The following PAK1 variants were observed in gnomAD, a reference collection of about 807,000 sequenced individuals.
PAK1 encodes p21 (RAC1) activated kinase 1, also known as serine/threonine-protein kinase PAK 1.
Under a neutral mutation model 67.4 loss-of-function variants are expected in PAK1, and 29 were observed. The ratio of observed to expected loss-of-function variants is 0.43; its 90% CI spans 0.32 to 0.59. The LOEUF is 0.59. Ranked by LOEUF, PAK1 falls within the 20% of genes least tolerant of loss-of-function variation. The pLI, the probability that PAK1 is intolerant of heterozygous loss-of-function variation, is 0.07. For missense variants in PAK1, 337 were observed against 670.7 expected (o/e 0.50, Z 5.50); for synonymous variants, 223 against 237.4 (o/e 0.94, Z 0.56).
the PAK1 span, chr11:77,529,952 GA>G: frequency 7.2e-5 from 11 of 152,444 alleles, no homozygotes; most frequent in African/African-American, 2.6e-4. Flanking sequence ...ACTTACAGCA[GA>G]AGAGTGGCAG....
intron 1 of PAK1, among the ~76,000 whole-genome samples, chr11:77,462,136 C>G (rs977942607): frequency 2.6e-5 from 4 of 151,822 alleles, no homozygotes; most frequent in African/African-American, 9.7e-5. Context: ...ACCATCCTGG[C>G]TAACACGGTG....
At chr11:77,479,379 GTGT>G (rs1426353448), upstream of PAK1, among the ~76,000 whole-genome samples, 2 of 152,072 alleles carry the variant, frequency 1.3e-5, no homozygotes, top group Non-Finnish European at 2.9e-5. Context: ...TAATGAATAT[GTGT>G]TGTTGTAAGC....
intron 2 of PAK1, among the ~76,000 whole-genome samples, chr11:77,382,200 G>A (rs1464512127): frequency 6.6e-6 from 1 of 152,042 alleles, no homozygotes; most frequent in Non-Finnish European, 1.5e-5. Context: ...AGAAACTTTG[G>A]TAAAGGAGAC....
At chr11:77,364,243 G>A (rs1219616546) in intron 5 of PAK1, among the ~76,000 whole-genome samples, 1 of 152,120 alleles carries the variant, frequency 6.6e-6, no homozygotes, top group Non-Finnish European at 1.5e-5. Flanking sequence ...GTAAAAGCTG[G>A]AACAGACTTG....
rs373135600 is a variant in PAK1 at position 77,332,811 on chromosome 11, C to T, written c.1470G>A (p.Leu490=). Residue 490 remains leucine (L), a synonymous_variant, in exon 14 of 15, where the codon CTG becomes CTA. Coordinates refer to ENST00000356341, the MANE Select transcript of PAK1 (RefSeq NM_002576.5). ...GTPELQNPEK[L]SAIFRDFLNR... ...TCAGAAAGTCCCGGAAGATAGCTGA[C>T]AGCTTCTCTGGGTTCTGAAGTTCTG... The T allele has an allele frequency of 6.2e-7, 1 of 1,613,276 alleles. No homozygotes were observed. The highest frequency in any genetic ancestry group is 8.5e-7 in the Non-Finnish European group (1 of 1,179,370).
upstream of PAK1, chr11:77,474,948 G>T (rs1458637205): frequency 1.3e-5 from 2 of 152,180 alleles, no homozygotes; most frequent in East Asian, 3.9e-4. Flanking sequence ...GAATCAGGTT[G>T]CCTTGCTTGA....
the PAK1 span, among the ~76,000 whole-genome samples, chr11:77,508,861 C>T: frequency 1.1e-4 from 17 of 149,996 alleles, no homozygotes; most frequent in South Asian, 3.6e-3. Flanking sequence ...GGGGTTTCAC[C>T]GTGTTAGCCA....
chr11:77,484,444 G>A, the PAK1 span, among the ~76,000 whole-genome samples: 2 of 152,162 alleles, frequency 1.3e-5, no homozygotes. Context: ...TTCTAAGCTC[G>A]TTTTAGTGTA....
At chr11:77,441,919 C>T in intron 1 of PAK1, among the ~76,000 whole-genome samples, 1 of 152,162 alleles carries the variant, frequency 6.6e-6, no homozygotes, top group African/African-American at 2.4e-5. Flanking sequence ...TCTTGTGTTC[C>T]CGACCCTCAC....
intron 1 of PAK1, among the ~76,000 whole-genome samples, chr11:77,450,952 A>T (rs1956826454): frequency 6.6e-6 from 1 of 152,220 alleles, no homozygotes; most frequent in African/African-American, 2.4e-5. Flanking sequence ...AAATCTGACT[A>T]ACAGCAAAGC....
chr11:77,377,952 G>A (rs188900847), intron 4 of PAK1, among the ~76,000 whole-genome samples: 1 of 152,258 alleles, frequency 6.6e-6, no homozygotes, highest in African/African-American at 2.4e-5. Flanking sequence ...AAATACTGCT[G>A]GGCACATGCA....
Position 77,463,354 on chromosome 11 carries a change from C to T in PAK1, c.-22+10198G>A, listed in dbSNP as rs1324804836. 6.6e-5 allele frequency among the ~76,000 whole-genome samples: 10 copies of T among 151,860 alleles called. No individual in the cohort carries two copies. The East Asian group carries it at 1.9e-3, about 29-fold the overall frequency. On this transcript the variant is annotated intron_variant, in intron 1 of 14. Coordinates refer to ENST00000356341, the MANE Select transcript of PAK1 (RefSeq NM_002576.5). ...GGTGTTCACTGCACATACTCCCCTG[C>T]CAATGTTTTATTTAAAAAAAATTTT...
At chr11:77,444,643 A>T (rs1460096311) in intron 1 of PAK1, among the ~76,000 whole-genome samples, 1 of 152,240 alleles carries the variant, frequency 6.6e-6, no homozygotes, top group Non-Finnish European at 1.5e-5. Flanking sequence ...CATGCAATCA[A>T]CATCTTAATG....
chr11:77,361,289 C>T (rs1052716192), intron 5 of PAK1, among the ~76,000 whole-genome samples: 3 of 152,122 alleles, frequency 2.0e-5, no homozygotes, highest in Non-Finnish European at 2.9e-5. Context: ...GAGCAAGCCA[C>T]GGGGCTCTCT....
Position 77,473,739 on chromosome 11 carries a change from G to T in PAK1, c.-209C>A, listed in dbSNP as rs567748037. ...GGAACTGCGAGGGAAGGGATGATGG[G>T]GGGGCGGGAGGGAGCGAGGCGACGC... On this transcript the variant is annotated 5_prime_UTR_variant, in exon 1 of 15. Transcript: ENST00000356341. 1 of 151,848 alleles carries T rather than the reference G, an allele frequency of 6.6e-6. No homozygotes were observed. The highest frequency in any genetic ancestry group is 1.5e-5 in the Non-Finnish European group (1 of 67,934). The allele number at this position is 151,848 out of a possible 1,614,324, so 9.4% of individuals were successfully genotyped here.
intron 1 of PAK1, among the ~76,000 whole-genome samples, chr11:77,458,040 C>A (rs973976062): frequency 6.6e-6 from 1 of 152,184 alleles, no homozygotes; most frequent in Admixed American, 6.5e-5. Flanking sequence ...ATCCCAATCT[C>A]AGGGAACTAA....
At chr11:77,468,204 A>G (rs924567670) in intron 1 of PAK1, among the ~76,000 whole-genome samples, 8 of 152,244 alleles carry the variant, frequency 5.3e-5, no homozygotes, top group South Asian at 4.1e-4. Flanking sequence ...GGATTTCCCA[A>G]TCCTGCATGC....
intron 1 of PAK1, among the ~76,000 whole-genome samples, chr11:77,440,901 T>TC (rs147833229): frequency 0.05 from 7,635 of 151,972 alleles, 700 homozygotes; most frequent in African/African-American, 0.18. Flanking sequence ...CACCTCTACC[T>TC]CCTCCATTAG....
chr11:77,357,726 C>T (rs1946226157), intron 6 of PAK1, among the ~76,000 whole-genome samples: 1 of 152,042 alleles, frequency 6.6e-6, no homozygotes, highest in South Asian at 2.1e-4. Flanking sequence ...TAGGAATTAC[C>T]AATACCTTTT....
Sources: gnomAD v4.1 joint callset for allele counts (sites outside exome capture counted in the v4.1 genomes callset) on GRCh38, gnomAD v4.1.1 for gene constraint, MANE v1.5 for transcripts, NCBI Gene and HGNC (gene_info 2026-07-23, HGNC 2026-07-21) for gene names.